The following CACNA1A variants were observed in gnomAD, a reference collection of about 807,000 sequenced individuals.
The protein encoded by CACNA1A is calcium voltage-gated channel subunit alpha1 A.
In CACNA1A, 57 loss-of-function variants were observed where a neutral mutation model predicts 262.4. The ratio of observed to expected loss-of-function variants is 0.22; its 90% CI spans 0.18 to 0.27. The LOEUF is 0.27. Ranked by LOEUF, CACNA1A falls within the 10% of genes least tolerant of loss-of-function variation. CACNA1A has a pLI of 1.00. For synonymous variants in CACNA1A, 1,431 were observed against 1,419.3 expected (o/e 1.01, Z -0.18); for missense variants, 2,526 against 3,562.8 (o/e 0.71, Z 7.41).
intron 21 of CACNA1A, chr19:13,284,403 A>C (rs1021728509): frequency 2.0e-5 from 3 of 152,246 alleles, no homozygotes; most frequent in Non-Finnish European, 4.4e-5. Flanking sequence ...CAGATTATAG[A>C]AAGCAGCTTC....
intron 5 of CACNA1A, among the ~76,000 whole-genome samples, chr19:13,360,995 T>A (rs1463154107): frequency 6.6e-6 from 1 of 152,226 alleles, no homozygotes; most frequent in Non-Finnish European, 1.5e-5. Context: ...TCAGTTTTAG[T>A]AAATGTGCCG....
In CACNA1A at chr19:13,330,833, C is replaced by T. The variant is rs552701021; in HGVS notation, c.1256-500G>A. Among the ~76,000 whole-genome samples, 14 of 152,282 alleles carry T rather than the reference C, an allele frequency of 9.2e-5. No individual in the cohort carries two copies. The South Asian group carries it at 2.3e-3, about 25-fold the overall frequency. On this transcript the variant is annotated intron_variant, in intron 9 of 46. Transcript: ENST00000360228. ...CAAACTCTTGACCTCAAGTGATTTG[C>T]CTGCCTTGGCCTCCAAAAGTGCTAG...
intron 3 of CACNA1A, among the ~76,000 whole-genome samples, chr19:13,435,190 T>A (rs1391039440): frequency 6.6e-6 from 1 of 151,978 alleles, no homozygotes; most frequent in African/African-American, 2.4e-5. Flanking sequence ...CTTGGCTCAC[T>A]GCAACCTCTG....
intron 1 of CACNA1A, among the ~76,000 whole-genome samples, chr19:13,490,191 T>C (rs907150717): frequency 6.6e-6 from 1 of 152,234 alleles, no homozygotes; most frequent in Admixed American, 6.5e-5. Context: ...TGTTTTACAG[T>C]CACCATCCAC....
At chr19:13,457,792 G>A (rs1429955173) in intron 1 of CACNA1A, among the ~76,000 whole-genome samples, 1 of 150,564 alleles carries the variant, frequency 6.6e-6, no homozygotes, top group African/African-American at 2.5e-5. Flanking sequence ...GGCGGAGGTT[G>A]CAGTGAGCCA....
rs115301283 is a variant in CACNA1A, at chr19:13,431,662, G to A, written c.539+21214C>T. Among the ~76,000 whole-genome samples the A allele has an allele frequency of 3.9e-3, 595 of 152,216 alleles. 2 individuals carry two copies. The highest frequency in any genetic ancestry group is 0.013 in the African/African-American group (543 of 41,534). On this transcript the variant is annotated intron_variant, in intron 3 of 46. Coordinates refer to ENST00000360228, the MANE Select transcript of CACNA1A (RefSeq NM_001127222.2). ...AAGGAATGGATGAAGAAAATATGGC[G>A]TGTATATGTACACAATGAAGTACTA... is the stretch of plus-strand genomic sequence containing the variant.
intron 3 of CACNA1A, among the ~76,000 whole-genome samples, chr19:13,378,529 C>T (rs2059456073): frequency 6.6e-6 from 1 of 152,166 alleles, no homozygotes; most frequent in African/African-American, 2.4e-5. Context: ...CCCCAATCTT[C>T]AGCAACCACC....
At chr19:13,255,016 G>A in intron 29 of CACNA1A, 79 bp downstream of exon 29, 1 of 1,481,644 alleles carries the variant, frequency 6.7e-7, no homozygotes, top group Non-Finnish European at 9.4e-7. Context: ...GGAAACTGCA[G>A]ATGGTTTCAT....
chr19:13,228,866 C>T, intron 36 of CACNA1A: 5 of 802,296 alleles, frequency 6.2e-6, no homozygotes, highest in Non-Finnish European at 1.0e-5. Context: ...ACAGCGAGGT[C>T]ATGATGCCCG....
intron 38 of CACNA1A, among the ~76,000 whole-genome samples, chr19:13,218,879 A>C (rs1412088908): frequency 6.6e-6 from 1 of 151,528 alleles, no homozygotes; most frequent in East Asian, 1.9e-4. Flanking sequence ...TTGGGATTAC[A>C]GGGGTCTGGC....
intron 1 of CACNA1A, among the ~76,000 whole-genome samples, chr19:13,461,887 G>A (rs1416895991): frequency 6.6e-6 from 1 of 152,164 alleles, no homozygotes; most frequent in Non-Finnish European, 1.5e-5. Context: ...ATGGCTCTCG[G>A]AAGTCAGGAT....
chr19:13,404,803 T>G (rs1599379711), intron 3 of CACNA1A, among the ~76,000 whole-genome samples: 1 of 152,074 alleles, frequency 6.6e-6, no homozygotes, highest in African/African-American at 2.4e-5. Flanking sequence ...GGGAAAGGTG[T>G]GGAAGAGTGT....
chr19:13,456,256 G>A (rs565379505), intron 1 of CACNA1A, among the ~76,000 whole-genome samples: 1 of 152,242 alleles, frequency 6.6e-6, no homozygotes, highest in Non-Finnish European at 1.5e-5. Flanking sequence ...GATATGCTGG[G>A]CTTTATCAAA....
intron 19 of CACNA1A, among the ~76,000 whole-genome samples, chr19:13,298,229 C>T (rs533820782): frequency 6.7e-6 from 1 of 148,344 alleles, no homozygotes; most frequent in East Asian, 2.0e-4. Flanking sequence ...CCCCTGTTTT[C>T]AGGCGATTCT....
intron 10 of CACNA1A, among the ~76,000 whole-genome samples, chr19:13,328,689 T>G (rs1045819517): frequency 6.6e-6 from 1 of 152,114 alleles, no homozygotes; most frequent in Non-Finnish European, 1.5e-5. Context: ...GAGAAATTAT[T>G]GGAAACAACT....
chr19:13,440,098 T>A (rs1056271824), intron 3 of CACNA1A, among the ~76,000 whole-genome samples: 3 of 152,166 alleles, frequency 2.0e-5, no homozygotes, highest in African/African-American at 7.2e-5. Flanking sequence ...TAGCGGGGAC[T>A]ACAAGCCTGT....
At chr19:13,441,339 CA>C (rs2060715139) in intron 3 of CACNA1A, among the ~76,000 whole-genome samples, 1 of 150,044 alleles carries the variant, frequency 6.7e-6, no homozygotes. Flanking sequence ...GGTTGCAAAG[CA>C]ATGTTTAAAA....
intron 38 of CACNA1A, among the ~76,000 whole-genome samples, chr19:13,218,732 C>T (rs2055111948): frequency 6.6e-6 from 1 of 152,092 alleles, no homozygotes; most frequent in South Asian, 2.1e-4. Context: ...GTGTATGCCA[C>T]CACACCTGGC....
intron 5 of CACNA1A, among the ~76,000 whole-genome samples, chr19:13,361,476 C>T (rs531749096): frequency 9.9e-5 from 15 of 152,244 alleles, no homozygotes; most frequent in East Asian, 7.7e-4. Context: ...TTTTCAAAGA[C>T]GACCGTGGCA....
Sources: gnomAD v4.1 joint callset for allele counts (sites outside exome capture counted in the v4.1 genomes callset) on GRCh38, gnomAD v4.1.1 for gene constraint, MANE v1.5 for transcripts, NCBI Gene and HGNC (gene_info 2026-07-23, HGNC 2026-07-21) for gene names.